The following GRAMD1C variants were observed in gnomAD, a reference collection of about 807,000 sequenced individuals.
The protein encoded by GRAMD1C is GRAM domain containing 1C, also known as protein Aster-C.
GRAMD1C carries 89 observed loss-of-function variants against 97.8 expected under a neutral mutation model. The ratio of observed to expected loss-of-function variants is 0.91; its 90% CI spans 0.77 to 1.09. The LOEUF (loss-of-function observed/expected upper bound fraction) is 1.09. GRAMD1C is among the 50% of genes least tolerant of loss of function. The pLI is 0.00. For synonymous variants in GRAMD1C, 256 were observed against 267.0 expected, an observed-to-expected ratio of 0.96 and a Z score of 0.40; for missense variants, 740 against 766.4, an observed-to-expected ratio of 0.97 and a Z score of 0.41.
chr3:113,849,102 A>G (rs1044084302), intron 2 of GRAMD1C, among the ~76,000 whole-genome samples: 7 of 152,106 alleles, frequency 4.6e-5, no homozygotes, highest in Admixed American at 1.3e-4. Context: ...AAGATCTGCA[A>G]CATATGCATT....
chr3:113,842,893 G>T (rs1933411389), intron 1 of GRAMD1C, among the ~76,000 whole-genome samples: 1 of 151,496 alleles, frequency 6.6e-6, no homozygotes, highest in African/African-American at 2.4e-5. Context: ...AACCCGGGAG[G>T]TAGAGGTTGC....
chr3:113,938,005 CAAAAA>C, intron 14 of GRAMD1C, 76 bp from the exon 15 acceptor site: 63 of 507,912 alleles, frequency 1.2e-4, no homozygotes, highest in South Asian at 1.7e-4. Flanking sequence ...AACTCCTTCT[CAAAAA>C]AAAAAAAAAA....
intron 9 of GRAMD1C, among the ~76,000 whole-genome samples, chr3:113,912,486 G>C (rs1289294609): frequency 6.6e-6 from 1 of 152,168 alleles, no homozygotes; most frequent in Non-Finnish European, 1.5e-5. Context: ...GCTCATGCCC[G>C]TAATCCCAGT....
chr3:113,939,994 A>G lies in GRAMD1C; in HGVS notation c.1800A>G (p.Leu600=), dbSNP rs1268618852. The G allele has an allele frequency of 2.0e-6, 3 of 1,506,932 alleles. No homozygotes were observed. Among genetic ancestry groups the G allele is most frequent in the Non-Finnish European group, 2.8e-6 (3 of 1,082,218 alleles). The allele number at this position is 1,506,932 out of a possible 1,614,324, so 93.3% of individuals were successfully genotyped here. The change falls in exon 16 of 18, where the codon TTA becomes TTG. Residue 600 remains leucine, a splice_region_variant and synonymous_variant. Transcript: ENST00000358160. ...TCCGCCTCCAAGAAGAGAAATCTTTAAAGTAAGTCTTTTTCCCCCTGACCT... is the reference window on the plus strand; with the variant it reads ...TCCGCCTCCAAGAAGAGAAATCTTTGAAGTAAGTCTTTTTCCCCCTGACCT... ...YRLRLQEEKS[L]NLASDMVSRA...
chr3:113,919,816 A>G, intron 10 of GRAMD1C: 1 of 634,208 alleles, frequency 1.6e-6, no homozygotes, highest in South Asian at 1.4e-5. Context: ...ACTTCTTAGT[A>G]GTAAGAATAA....
At chr3:113,938,027 T>C in intron 14 of GRAMD1C, 59 bp from the exon 15 acceptor site, 4 of 825,614 alleles carry the variant, frequency 4.8e-6, no homozygotes, top group Non-Finnish European at 7.5e-6. Flanking sequence ...AAAAAAAAAT[T>C]TGGATCAGTT....
At chr3:113,836,076 C>T (rs1709626476), upstream of GRAMD1C, among the ~76,000 whole-genome samples, 1 of 151,990 alleles carries the variant, frequency 6.6e-6, no homozygotes, top group African/African-American at 2.4e-5. Context: ...CCAGCCTGGC[C>T]AACATGGTGA....
At chr3:113,896,026 A>G (rs1935928071) in intron 6 of GRAMD1C, among the ~76,000 whole-genome samples, 1 of 152,154 alleles carries the variant, frequency 6.6e-6, no homozygotes, top group Non-Finnish European at 1.5e-5. Flanking sequence ...TGATATTTCG[A>G]CAATGTAAAG....
At chr3:113,889,414 G>A (rs1935631354) in intron 6 of GRAMD1C, among the ~76,000 whole-genome samples, 1 of 152,178 alleles carries the variant, frequency 6.6e-6, no homozygotes, top group Non-Finnish European at 1.5e-5. Context: ...TTGCCTGGAG[G>A]AGGGAGTAAT....
At chr3:113,847,684 T>C (rs1202420276) in intron 2 of GRAMD1C, among the ~76,000 whole-genome samples, 1 of 152,150 alleles carries the variant, frequency 6.6e-6, no homozygotes, top group African/African-American at 2.4e-5. Context: ...GGGTCTAAAA[T>C]TAACACAAGG....
intron 5 of GRAMD1C, among the ~76,000 whole-genome samples, chr3:113,878,501 T>G (rs563742975): frequency 6.6e-6 from 1 of 152,294 alleles, no homozygotes; most frequent in South Asian, 2.1e-4. Context: ...ATGGTGTACA[T>G]TAAATGTATA....
At chr3:113,838,566 A>C (rs1387448483), upstream of GRAMD1C, 1 of 238,182 alleles carries the variant, frequency 4.2e-6, no homozygotes, top group Admixed American at 6.0e-5. Flanking sequence ...TGAGAGCGAA[A>C]CTCCGTCTCA....
intron 12 of GRAMD1C, among the ~76,000 whole-genome samples, chr3:113,934,033 G>C (rs1272661977): frequency 6.6e-6 from 1 of 152,178 alleles, no homozygotes; most frequent in Non-Finnish European, 1.5e-5. Context: ...AAATGTTGGT[G>C]CATTACAGAG....
intron 5 of GRAMD1C, among the ~76,000 whole-genome samples, chr3:113,882,309 A>C (rs762564594): frequency 6.6e-6 from 1 of 152,148 alleles, no homozygotes; most frequent in Non-Finnish European, 1.5e-5. Context: ...AAAAATTAAG[A>C]TCCTTAAATC....
intron 9 of GRAMD1C, among the ~76,000 whole-genome samples, chr3:113,911,412 T>C (rs1559809587): frequency 1.3e-5 from 2 of 151,806 alleles, no homozygotes; most frequent in South Asian, 4.2e-4. Context: ...GCCCAGCTAA[T>C]TTTTTGTAAT....
At chr3:113,943,258 A>G (rs955671171) in intron 17 of GRAMD1C, among the ~76,000 whole-genome samples, 7 of 152,210 alleles carry the variant, frequency 4.6e-5, no homozygotes, top group African/African-American at 1.7e-4. Context: ...CATTTGACAG[A>G]GCTAAACACT....
Position 113,934,308 on chromosome 3 carries a change from TATG to T in GRAMD1C, c.1353-121_1353-119del, listed in dbSNP as rs1239454567. On this transcript the variant is annotated intron_variant, in intron 12 of 17. Transcript: ENST00000358160. ...AGTTATCAATGAACACATTTTCTTT[TATG>T]ATATTAATGACTTTGAATCTTTTTG... The T allele has an allele frequency of 1.0e-5, 6 of 589,624 alleles. No individual in the cohort carries two copies. The East Asian group carries it at 1.9e-4, about 18-fold the overall frequency. 36.5% of individuals were successfully genotyped at this position (589,624 alleles called of 1,614,324 possible).
intron 10 of GRAMD1C, among the ~76,000 whole-genome samples, chr3:113,928,050 G>A (rs867263799): frequency 2.6e-5 from 4 of 152,130 alleles, no homozygotes; most frequent in African/African-American, 9.7e-5. Flanking sequence ...TCTTACACAG[G>A]TGCCTGTGTA....
chr3:113,900,593 G>C (rs1405492288), intron 6 of GRAMD1C, among the ~76,000 whole-genome samples: 3 of 142,256 alleles, frequency 2.1e-5, no homozygotes, highest in Non-Finnish European at 3.1e-5. Flanking sequence ...GCCAATTTTT[G>C]TATTTTTTTT....
Sources: gnomAD v4.1 joint callset for allele counts (sites outside exome capture counted in the v4.1 genomes callset) on GRCh38, gnomAD v4.1.1 for gene constraint, MANE v1.5 for transcripts, NCBI Gene and HGNC (gene_info 2026-07-23, HGNC 2026-07-21) for gene names.